TYW1: variants seen among roughly 807,000 people sequenced by gnomAD.
TYW1 encodes S-adenosyl-L-methionine-dependent tRNA 4-demethylwyosine synthase TYW1.
Under a neutral mutation model 96.2 loss-of-function variants are expected in TYW1, and 46 were observed. The ratio of observed to expected loss-of-function variants is 0.48; its 90% CI spans 0.38 to 0.61. The LOEUF (loss-of-function observed/expected upper bound fraction) is 0.61. TYW1 is among the 20% of genes least tolerant of loss of function. The pLI, the probability that TYW1 is intolerant of heterozygous loss-of-function variation, is 0.00. For missense variants in TYW1, 684 were observed against 909.6 expected (o/e 0.75, Z 3.19); for synonymous variants, 274 against 323.0 (o/e 0.85, Z 1.63).
chr7:67,060,437 A>C (rs982976020), intron 9 of TYW1, among the ~76,000 whole-genome samples: 10 of 152,234 alleles, frequency 6.6e-5, no homozygotes, highest in African/African-American at 2.4e-4. Flanking sequence ...CAGTTTGCAT[A>C]ATGGCTTTGA....
intron 7 of TYW1, among the ~76,000 whole-genome samples, chr7:67,036,145 G>A (rs951252596): frequency 1.3e-5 from 2 of 148,694 alleles, no homozygotes; most frequent in Admixed American, 6.8e-5. Context: ...CTTATAATGA[G>A]TCTAAAAGTC....
intron 12 of TYW1, among the ~76,000 whole-genome samples, chr7:67,115,570 C>T (rs1797568155): frequency 6.6e-6 from 1 of 152,148 alleles, no homozygotes; most frequent in Non-Finnish European, 1.5e-5. Flanking sequence ...TTCTATATAT[C>T]ACTAAGCCAC....
intron 1 of TYW1, among the ~76,000 whole-genome samples, chr7:66,997,773 T>C (rs1312329544): frequency 6.6e-6 from 1 of 151,812 alleles, no homozygotes. Context: ...GGATTACAGG[T>C]GCGCGCCACC....
intron 11 of TYW1, among the ~76,000 whole-genome samples, chr7:67,092,444 C>CT (rs577877485): frequency 1.5e-3 from 225 of 152,246 alleles, no homozygotes; most frequent in African/African-American, 4.8e-3. Context: ...CTCAGGTTCC[C>CT]TAGACATAAT....
chr7:67,217,197 T>C (rs1175232525), intron 15 of TYW1, among the ~76,000 whole-genome samples: 1 of 152,192 alleles, frequency 6.6e-6, no homozygotes, highest in African/African-American at 2.4e-5. Flanking sequence ...TGCAATTTTT[T>C]TCCCCATTTT....
rs17726 is a variant in TYW1, at chr7:67,239,213, A to G, written c.*684A>G. The G allele has an allele frequency of 0.25, 245,608 of 985,124 alleles. 31,320 individuals carry two copies. Among genetic ancestry groups the G allele is most frequent in the African/African-American group, 0.36 (20,758 of 57,230 alleles). The allele number at this position is 985,124 out of a possible 1,614,324, so 61.0% of individuals were successfully genotyped here. A position where few individuals can be genotyped will look rare whatever the true frequency, so the allele number is the denominator to read the frequency against. On this transcript the variant is annotated 3_prime_UTR_variant, in exon 16 of 16. Coordinates refer to ENST00000359626, the MANE Select transcript of TYW1 (RefSeq NM_018264.4). ...GGAGCGGAGTGAAGCTGTCTGCTGT[A>G]AGAGGAGTGGCCATGTGAGGGCATG...
At chr7:67,052,216 T>G (rs899019454) in intron 8 of TYW1, among the ~76,000 whole-genome samples, 3 of 152,178 alleles carry the variant, frequency 2.0e-5, no homozygotes, top group Admixed American at 6.6e-5. Context: ...GGACAAATTT[T>G]GGCCATTATT....
chr7:67,076,382 C>T (rs556991764), intron 10 of TYW1, among the ~76,000 whole-genome samples: 1 of 152,246 alleles, frequency 6.6e-6, no homozygotes, highest in African/African-American at 2.4e-5. Flanking sequence ...TTCTTTGTGA[C>T]ACTGGGGAAC....
chr7:67,058,415 C>T (rs550795911), intron 9 of TYW1, among the ~76,000 whole-genome samples: 3 of 152,206 alleles, frequency 2.0e-5, no homozygotes, highest in East Asian at 3.9e-4. Context: ...GGTCATTGGC[C>T]GAGGGGGCGG....
chr7:67,036,825 G>A (rs1794856024), intron 7 of TYW1, among the ~76,000 whole-genome samples: 1 of 152,244 alleles, frequency 6.6e-6, no homozygotes, highest in African/African-American at 2.4e-5. Flanking sequence ...CAGAAGCTGA[G>A]TTGTGTACAG....
intron 13 of TYW1, among the ~76,000 whole-genome samples, chr7:67,177,247 A>G (rs1563056679): frequency 6.6e-6 from 1 of 151,896 alleles, no homozygotes; most frequent in African/African-American, 2.4e-5. Flanking sequence ...GTGAGTGGCA[A>G]TATGATAAAA....
intron 15 of TYW1, among the ~76,000 whole-genome samples, chr7:67,196,611 AC>A (rs1359317359): frequency 6.6e-6 from 1 of 151,772 alleles, no homozygotes; most frequent in Non-Finnish European, 1.5e-5. Context: ...CGGTGAAGAA[AC>A]TGGCTTAAAT....
chr7:67,049,429 G>A (rs1221797423), intron 7 of TYW1, among the ~76,000 whole-genome samples: 1 of 152,172 alleles, frequency 6.6e-6, no homozygotes, highest in African/African-American at 2.4e-5. Context: ...TAACAAAAGA[G>A]CATCCTGGCA....
chr7:67,074,071 CA>C lies in TYW1; in HGVS notation c.1274+6685del, dbSNP rs756494903. On this transcript the variant is annotated intron_variant, in intron 10 of 15. Coordinates refer to ENST00000359626, the MANE Select transcript of TYW1 (RefSeq NM_018264.4). ...CACTCTAACCTGGGCTACTCCATCTCAAAAAAAAAAAAAAAAAGAAATAAAA... is the reference window on the plus strand; with the variant it reads ...CACTCTAACCTGGGCTACTCCATCTCAAAAAAAAAAAAAAAAGAAATAAAA... Among the ~76,000 whole-genome samples the C allele has an allele frequency of 7.0e-3, 587 of 83,830 alleles. 2 individuals are homozygous for C. The highest frequency in any genetic ancestry group is 0.017 in the African/African-American group (403 of 23,954). The allele number at this position is 83,830 out of a possible 152,430, so 55.0% of individuals were successfully genotyped here. A position where few individuals can be genotyped will look rare whatever the true frequency, so the allele number is the denominator to read the frequency against.
chr7:67,063,865 G>C (rs1318081794), intron 9 of TYW1, among the ~76,000 whole-genome samples: 2 of 131,064 alleles, frequency 1.5e-5, no homozygotes, highest in Non-Finnish European at 3.4e-5. Context: ...GCCTCCCAAA[G>C]TGCTGGATTA....
chr7:67,004,293 A>C (rs1793496226), intron 3 of TYW1, among the ~76,000 whole-genome samples: 3 of 152,116 alleles, frequency 2.0e-5, no homozygotes, highest in African/African-American at 7.2e-5. Flanking sequence ...TGATGGGCCT[A>C]ATGGGAGGTG....
intron 13 of TYW1, among the ~76,000 whole-genome samples, chr7:67,182,074 G>A (rs1377769793): frequency 6.6e-6 from 1 of 151,894 alleles, no homozygotes; most frequent in Non-Finnish European, 1.5e-5. Context: ...GGTGATCCCC[G>A]CACCTCGGCC....
In TYW1 at chr7:67,029,409, G is replaced by GTATATATATACATATATATATATATACA; in HGVS notation, c.984+4388_984+4389insATATATATACATATATATATATATACAT. 1.6e-4 allele frequency among the ~76,000 whole-genome samples: 17 copies of GTATATATATACATATATATATATATACA among 107,136 alleles called. 2 individuals carry two copies. The highest frequency in any genetic ancestry group is 2.3e-4 in the Non-Finnish European group (12 of 52,706). The allele number at this position is 107,136 out of a possible 152,430, so 70.3% of individuals were successfully genotyped here. A position where few individuals can be genotyped will look rare whatever the true frequency, so the allele number is the denominator to read the frequency against. ...TGTGTGTGTGTGTGTGTGTGTGTGT[G>GTATATATATACATATATATATATATACA]TGTGTGTATATATATATATATATAA... On this transcript the variant is annotated intron_variant, in intron 7 of 15. Coordinates refer to ENST00000359626, the MANE Select transcript of TYW1 (RefSeq NM_018264.4).
intron 13 of TYW1, among the ~76,000 whole-genome samples, chr7:67,167,952 A>C (rs1442203563): frequency 6.6e-6 from 1 of 151,462 alleles, no homozygotes; most frequent in African/African-American, 2.4e-5. Flanking sequence ...ACGGGCTTTC[A>C]CCATCTTGGC....
Sources: gnomAD v4.1 joint callset for allele counts (sites outside exome capture counted in the v4.1 genomes callset) on GRCh38, gnomAD v4.1.1 for gene constraint, MANE v1.5 for transcripts, NCBI Gene and HGNC (gene_info 2026-07-23, HGNC 2026-07-21) for gene names.